Variants in DENND2B observed in about 807,000 individuals in gnomAD.
The protein encoded by DENND2B is DENN domain containing 2B, also known as DENN domain-containing protein 2B.
DENND2B carries 32 observed loss-of-function variants against 116.0 expected under a neutral mutation model. That is an observed-to-expected ratio of 0.28 (90% CI 0.21 to 0.37). The LOEUF (loss-of-function observed/expected upper bound fraction) is 0.37, where lower values mean the gene tolerates loss of function less well. Ranked by LOEUF, DENND2B falls within the 10% of genes least tolerant of loss-of-function variation. The probability of loss-of-function intolerance (pLI) is 1.00; values close to 1 mark genes in which losing one functional copy is unlikely to be tolerated. For synonymous variants in DENND2B, 588 were observed against 583.9 expected, an observed-to-expected ratio of 1.01 and a Z score of -0.10; for missense variants, 1,276 against 1,477.7, an observed-to-expected ratio of 0.86 and a Z score of 2.24.
At chr11:8,855,950 G>C (rs1374273909) in intron 3 of DENND2B, among the ~76,000 whole-genome samples, 2 of 152,150 alleles carry the variant, frequency 1.3e-5, no homozygotes, top group Non-Finnish European at 2.9e-5. Context: ...CAACCAGCTA[G>C]AGAATTGGAG....
intron 1 of DENND2B, among the ~76,000 whole-genome samples, chr11:8,790,750 C>G (rs2134327809): frequency 6.6e-6 from 1 of 152,294 alleles, no homozygotes; most frequent in African/African-American, 2.4e-5. Context: ...GCCCGTGCAA[C>G]AGAGCAAAGA....
intron 1 of DENND2B, among the ~76,000 whole-genome samples, chr11:8,751,588 C>A (rs557662454): frequency 7.0e-6 from 1 of 142,580 alleles, no homozygotes; most frequent in Non-Finnish European, 1.5e-5. Flanking sequence ...GAAAAAACTC[C>A]GAACACATCC....
intron 1 of DENND2B, among the ~76,000 whole-genome samples, chr11:8,905,971 G>A (rs2568029): frequency 0.2 from 30,613 of 150,514 alleles, 3,665 homozygotes; most frequent in Middle Eastern, 0.36. Flanking sequence ...CAGAAAAGGC[G>A]AATTCATAAG....
chr11:8,795,754 G>C (rs2059759540), intron 1 of DENND2B, among the ~76,000 whole-genome samples: 1 of 152,066 alleles, frequency 6.6e-6, no homozygotes, highest in Admixed American at 6.6e-5. Flanking sequence ...GCTTCCTGGG[G>C]AAAGTGATTC....
chr11:8,699,813 A>G (rs1278504055), intron 14 of DENND2B: 3 of 457,008 alleles, frequency 6.6e-6, no homozygotes, highest in African/African-American at 6.0e-5. Flanking sequence ...AACTTGTGGA[A>G]AACCTAAAAC....
intron 1 of DENND2B, among the ~76,000 whole-genome samples, chr11:8,895,349 A>G (rs2064087605): frequency 6.6e-6 from 1 of 152,212 alleles, no homozygotes; most frequent in Non-Finnish European, 1.5e-5. Context: ...ATACATATGT[A>G]ACAAACCTGC....
intron 4 of DENND2B, among the ~76,000 whole-genome samples, chr11:8,836,229 C>G (rs2062419981): frequency 6.6e-6 from 1 of 150,848 alleles, no homozygotes. Flanking sequence ...CAGAGAAGTC[C>G]TACTTGAAAG....
upstream of DENND2B, among the ~76,000 whole-genome samples, chr11:8,871,691 A>C (rs928807378): frequency 4.6e-5 from 7 of 152,218 alleles, no homozygotes; most frequent in Non-Finnish European, 1.0e-4. Flanking sequence ...CCTGGTCTCA[A>C]CCGAAAGCTC....
rs576017832 is a variant in DENND2B at position 8,868,423 on chromosome 11, T to G, written c.-250+2531A>C. Among the ~76,000 whole-genome samples, 24 of 152,330 alleles carry G rather than the reference T, an allele frequency of 1.6e-4. No homozygotes were observed. The South Asian group carries it at 3.9e-3, about 25-fold the overall frequency. Reference sequence around the variant, plus strand: ...TGTCTACAGGATAAAGTTCCAGCCCTTGAGCCAGAATTCAACCTGACCACA... The same window carrying G: ...TGTCTACAGGATAAAGTTCCAGCCCGTGAGCCAGAATTCAACCTGACCACA... On this transcript the variant is annotated intron_variant, in intron 2 of 6. Transcript: ENST00000524757.
chr11:8,798,522 C>T (rs907209474), intron 1 of DENND2B, among the ~76,000 whole-genome samples: 18 of 152,196 alleles, frequency 1.2e-4, no homozygotes, highest in Non-Finnish European at 2.5e-4. Context: ...ACAGGTGTTG[C>T]AGTCTCCACC....
At chr11:8,886,031 C>T (rs1249169926) in intron 1 of DENND2B, among the ~76,000 whole-genome samples, 1 of 152,030 alleles carries the variant, frequency 6.6e-6, no homozygotes, top group Non-Finnish European at 1.5e-5. Context: ...GCCTCGACCT[C>T]CCAGGTTCAA....
chr11:8,769,763 G>A (rs2056532520), intron 1 of DENND2B, among the ~76,000 whole-genome samples: 1 of 151,940 alleles, frequency 6.6e-6, no homozygotes, highest in Non-Finnish European at 1.5e-5. Context: ...TCCCCTGGCT[G>A]GGAAAGAAGG....
intron 3 of DENND2B, among the ~76,000 whole-genome samples, chr11:8,845,981 C>T (rs1358894660): frequency 6.6e-6 from 1 of 152,184 alleles, no homozygotes; most frequent in African/African-American, 2.4e-5. Flanking sequence ...CAAGTCCCTT[C>T]AGAATCAGGG....
intron 1 of DENND2B, among the ~76,000 whole-genome samples, chr11:8,798,140 T>A (rs1226644709): frequency 2.6e-5 from 4 of 152,174 alleles, no homozygotes; most frequent in Non-Finnish European, 4.4e-5. Context: ...ATTGATTTGT[T>A]TACTTGTTTA....
At chr11:8,784,022 C>G (rs148598707) in intron 1 of DENND2B, 1 of 152,206 alleles carries the variant, frequency 6.6e-6, no homozygotes, top group Non-Finnish European at 1.5e-5. Context: ...TTCACAGATT[C>G]TGAACCTGCC....
intron 1 of DENND2B, among the ~76,000 whole-genome samples, chr11:8,788,618 G>A (rs149014691): frequency 0.017 from 2,522 of 152,170 alleles, 33 homozygotes; most frequent in Middle Eastern, 0.071. Flanking sequence ...CCCTGAGGGC[G>A]CTCTCTCCAC....
chr11:8,786,227 T>A (rs1019334223), intron 1 of DENND2B, among the ~76,000 whole-genome samples: 3 of 152,224 alleles, frequency 2.0e-5, no homozygotes, highest in Non-Finnish European at 4.4e-5. Flanking sequence ...ATCTGCATTT[T>A]GTCTGCAGTC....
rs2054188622 is a variant in DENND2B at position 8,759,464 on chromosome 11, G to A, written c.-25-8739C>T. Among the ~76,000 whole-genome samples, 4 of 152,222 alleles carry A rather than the reference G, an allele frequency of 2.6e-5. No homozygotes were observed. The South Asian group carries it at 8.3e-4, about 32-fold the overall frequency. On this transcript the variant is annotated intron_variant, in intron 1 of 19. Coordinates refer to ENST00000313726, the MANE Select transcript of DENND2B (RefSeq NM_213618.2). The stretch of plus-strand genomic sequence containing the variant: ...TATAGCCGAGGTAAGAAGTCAAGAT[G>A]CCCGAAAATAGGAAACCTCTCAACC...
At chr11:8,734,738 G>A (rs542617963) in intron 2 of DENND2B, among the ~76,000 whole-genome samples, 189 of 143,388 alleles carry the variant, frequency 1.3e-3, no homozygotes, top group African/African-American at 4.6e-3. Flanking sequence ...GCAGTGAGCC[G>A]AGATCACGCC....
Sources: gnomAD v4.1 joint callset for allele counts (sites outside exome capture counted in the v4.1 genomes callset) on GRCh38, gnomAD v4.1.1 for gene constraint, MANE v1.5 for transcripts, NCBI Gene and HGNC (gene_info 2026-07-23, HGNC 2026-07-21) for gene names.